Variants in C1GALT1 observed in about 807,000 individuals in gnomAD.
C1GALT1 encodes the protein glycoprotein-N-acetylgalactosamine 3-beta-galactosyltransferase 1.
Under a neutral mutation model 31.0 loss-of-function variants are expected in C1GALT1, and 11 were observed. The observed-to-expected ratio is 0.36, with a 90% CI of 0.22 to 0.59. The LOEUF is 0.59. Ranked by LOEUF, C1GALT1 falls within the 20% of genes least tolerant of loss-of-function variation. The pLI, the probability that C1GALT1 is intolerant of heterozygous loss-of-function variation, is 0.79. For synonymous variants in C1GALT1, 175 were observed against 143.6 expected (o/e 1.22, Z -1.56); for missense variants, 424 against 425.2 (o/e 1.00, Z 0.03).
At chr7:7,240,124 T>C (rs1398379868) in intron 3 of C1GALT1, among the ~76,000 whole-genome samples, 1 of 152,224 alleles carries the variant, frequency 6.6e-6, no homozygotes, top group Non-Finnish European at 1.5e-5. Flanking sequence ...GGAACAGTGA[T>C]TCTCAACCCA....
intron 1 of C1GALT1, among the ~76,000 whole-genome samples, chr7:7,211,481 C>G (rs188535393): frequency 2.6e-5 from 4 of 152,290 alleles, no homozygotes; most frequent in Admixed American, 6.5e-5. Context: ...ATTATTCCTG[C>G]TCTAAGGATA....
At chr7:7,160,113 C>G (rs915284288) in intron 2 of C1GALT1, among the ~76,000 whole-genome samples, 2 of 152,148 alleles carry the variant, frequency 1.3e-5, no homozygotes, top group African/African-American at 4.8e-5. Context: ...TCAGCTCTTT[C>G]CTGCCCCACA....
chr7:7,223,365 G>A (rs570834156), intron 1 of C1GALT1, among the ~76,000 whole-genome samples: 129 of 152,278 alleles, frequency 8.5e-4, no homozygotes, highest in Middle Eastern at 6.8e-3. Context: ...GTTTCTCCAT[G>A]TTGGCCAGTC....
intron 2 of C1GALT1, among the ~76,000 whole-genome samples, chr7:7,171,696 T>C (rs1780455804): frequency 6.6e-6 from 1 of 152,146 alleles, no homozygotes; most frequent in Admixed American, 6.5e-5. Context: ...GTTTAGTTGA[T>C]TTTTTTGTAG....
At chr7:7,213,171 C>A (rs188673543) in intron 1 of C1GALT1, among the ~76,000 whole-genome samples, 2 of 152,240 alleles carry the variant, frequency 1.3e-5, no homozygotes, top group South Asian at 4.1e-4. Context: ...TTCAGTGTTA[C>A]AATCTTCAAA....
intron 1 of C1GALT1, among the ~76,000 whole-genome samples, chr7:7,232,479 C>T (rs1583825673): frequency 7.5e-6 from 1 of 132,938 alleles, no homozygotes; most frequent in African/African-American, 2.9e-5. Context: ...ATGGAAAGGG[C>T]GTGGGTTTTT....
At chr7:7,175,122 G>A (rs1289721152) in intron 2 of C1GALT1, among the ~76,000 whole-genome samples, 3 of 152,142 alleles carry the variant, frequency 2.0e-5, no homozygotes, top group South Asian at 4.1e-4. Flanking sequence ...TCCTAGGGGG[G>A]TTTGCTGTTT....
At chr7:7,182,393 G>A (rs1007400393), upstream of C1GALT1, among the ~76,000 whole-genome samples, 13 of 152,208 alleles carry the variant, frequency 8.5e-5, no homozygotes, top group Admixed American at 7.9e-4. Flanking sequence ...TACTGCTCGT[G>A]CAAGATCCGA....
At chr7:7,227,100 G>A (rs2108785) in intron 1 of C1GALT1, among the ~76,000 whole-genome samples, 6,118 of 152,142 alleles carry the variant, frequency 0.04, 224 homozygotes, top group African/African-American at 0.11. Context: ...TTAGAGGATG[G>A]GGGTCATATT....
chr7:7,177,551 C>T (rs963819021), upstream of C1GALT1, among the ~76,000 whole-genome samples: 1 of 151,998 alleles, frequency 6.6e-6, no homozygotes, highest in African/African-American at 2.4e-5. Flanking sequence ...AAAAAGGAGC[C>T]AGTGATAATT....
At chr7:7,189,153 C>T (rs913867515) in intron 1 of C1GALT1, among the ~76,000 whole-genome samples, 4 of 152,266 alleles carry the variant, frequency 2.6e-5, no homozygotes, top group South Asian at 2.1e-4. Context: ...TTGTTTTTAA[C>T]AGCTACTACT....
In C1GALT1 at chr7:7,248,324, C is replaced by T. The variant is rs764965274; in HGVS notation, c.*4597C>T. ...TTCAGTTTATATTAAGTTTTAATAA[C>T]TTTGCGGGGCCCTGCAAATTAATAA... On this transcript the variant is annotated 3_prime_UTR_variant, in exon 4 of 4. Transcript: ENST00000436587. 6.6e-6 allele frequency: 1 copy of T among 151,932 alleles called. No homozygotes were observed. The highest frequency in any genetic ancestry group is 2.4e-5 in the African/African-American group (1 of 41,422). 9.4% of individuals were successfully genotyped at this position (151,932 alleles called of 1,614,324 possible). A position where few individuals can be genotyped will look rare whatever the true frequency, so the allele number is the denominator to read the frequency against.
chr7:7,206,173 C>G (rs1250465874), intron 1 of C1GALT1, among the ~76,000 whole-genome samples: 1 of 151,510 alleles, frequency 6.6e-6, no homozygotes, highest in Non-Finnish European at 1.5e-5. Context: ...CATTGTGTGT[C>G]AAAAAATATA....
At chr7:7,160,104 C>A (rs1280391742) in intron 2 of C1GALT1, among the ~76,000 whole-genome samples, 1 of 152,134 alleles carries the variant, frequency 6.6e-6, no homozygotes, top group Non-Finnish European at 1.5e-5. Context: ...CTCTTTCCCT[C>A]AGCTCTTTCC....
Position 7,238,797 on chromosome 7 carries a change from G to A in C1GALT1, c.763G>A (p.Gly255Arg). ...CATGGAAATTATGAATGTAGAAGCAGGAGATTCCAGAGATACCATTGGAAA... is the reference window on the plus strand; with the variant it reads ...CATGGAAATTATGAATGTAGAAGCAAGAGATTCCAGAGATACCATTGGAAA... ...RCMEIMNVEAGDSRDTIGKET... is the reference protein window; with the variant it reads ...RCMEIMNVEARDSRDTIGKET... Residue 255 changes from glycine (G) to arginine (R), a missense_variant, in exon 3 of 4, where the codon GGA becomes AGA. Coordinates refer to ENST00000436587, the MANE Select transcript of C1GALT1 (RefSeq NM_020156.5). This position sits in a 1 kb window ranked among gnomAD's most constrained non-coding sequence, Gnocchi z 5.2. 3 of 1,613,760 alleles carry A rather than the reference G, an allele frequency of 1.9e-6. No homozygotes were observed. Among genetic ancestry groups the A allele is most frequent in the Non-Finnish European group, 2.5e-6 (3 of 1,179,932 alleles).
At chr7:7,237,395 T>C (rs1030784760) in intron 2 of C1GALT1, among the ~76,000 whole-genome samples, 32 of 152,356 alleles carry the variant, frequency 2.1e-4, no homozygotes, top group African/African-American at 7.7e-4. Context: ...CTTACTTAAA[T>C]GGACAGTTTT....
intron 1 of C1GALT1, among the ~76,000 whole-genome samples, chr7:7,185,768 A>C (rs1780785428): frequency 1.3e-5 from 2 of 152,338 alleles, no homozygotes; most frequent in Admixed American, 6.5e-5. Context: ...AGGTACTGGA[A>C]TTAGGACTTC....
intron 1 of C1GALT1, among the ~76,000 whole-genome samples, chr7:7,216,796 A>G (rs1782264311): frequency 6.6e-6 from 1 of 152,192 alleles, no homozygotes; most frequent in African/African-American, 2.4e-5. Flanking sequence ...GCTAACTTAA[A>G]AGCATAAACT....
upstream of C1GALT1, chr7:7,178,246 C>G (rs1241155140): frequency 2.2e-5 from 5 of 231,094 alleles, no homozygotes; most frequent in African/African-American, 9.2e-5. Context: ...GTAGACAGAC[C>G]TGTTGGCGAG....
Sources: allele counts gnomAD v4.1 joint callset (sites outside exome capture counted in the v4.1 genomes callset), GRCh38; gene constraint gnomAD v4.1.1; non-coding constraint Gnocchi (gnomAD v3.1); transcripts MANE v1.5; gene names NCBI Gene and HGNC (gene_info 2026-07-23, HGNC 2026-07-21).